CELF2: variants seen among roughly 807,000 people sequenced by gnomAD.
The protein encoded by CELF2 is CUG triplet repeat RNA-binding protein 2.
In CELF2, 8 loss-of-function variants were observed where a neutral mutation model predicts 62.6. The ratio of observed to expected loss-of-function variants is 0.13; its 90% CI spans 0.07 to 0.23. The LOEUF is 0.23. CELF2 is among the 10% of genes least tolerant of loss of function. The pLI, the probability that CELF2 is intolerant of heterozygous loss-of-function variation, is 1.00. For missense variants in CELF2, 333 were observed against 671.0 expected, an observed-to-expected ratio of 0.50 and a Z score of 5.56; for synonymous variants, 258 against 250.0, an observed-to-expected ratio of 1.03 and a Z score of -0.30.
chr10:11,127,264 G>A (rs2058863233), intron 1 of CELF2, among the ~76,000 whole-genome samples: 1 of 152,160 alleles, frequency 6.6e-6, no homozygotes, highest in African/African-American at 2.4e-5. Context: ...TGGTGTATAT[G>A]TGCCATATTT....
chr10:11,195,142 A>G (rs1201561122), intron 2 of CELF2, among the ~76,000 whole-genome samples: 2 of 152,196 alleles, frequency 1.3e-5, no homozygotes, highest in South Asian at 2.1e-4. Flanking sequence ...TTAAACTCCT[A>G]TCACACCTCT....
chr10:10,523,020 C>T, the CELF2 span, among the ~76,000 whole-genome samples: 1 of 152,188 alleles, frequency 6.6e-6, no homozygotes, highest in African/African-American at 2.4e-5. Flanking sequence ...GGAACTCTTC[C>T]AGTTTCTCCT....
chr10:10,847,106 T>C (rs1386057852), intron 1 of CELF2, among the ~76,000 whole-genome samples: 1 of 151,994 alleles, frequency 6.6e-6, no homozygotes, highest in Non-Finnish European at 1.5e-5. Context: ...ATATTTTTAT[T>C]TGCAGGAAAC....
intron 1 of CELF2, among the ~76,000 whole-genome samples, chr10:10,846,374 G>T (rs564702541): frequency 2.2e-4 from 34 of 152,086 alleles, no homozygotes; most frequent in Admixed American, 5.9e-4. Context: ...TCTATCAACA[G>T]AGCAGCAGCT....
At chr10:10,500,343 G>T in the CELF2 span, among the ~76,000 whole-genome samples, 1 of 152,046 alleles carries the variant, frequency 6.6e-6, no homozygotes. Context: ...ATATGGTTTG[G>T]CTGTGTTCTC....
At chr10:10,519,836 CT>C in the CELF2 span, among the ~76,000 whole-genome samples, 71 of 152,324 alleles carry the variant, frequency 4.7e-4, no homozygotes, top group Non-Finnish European at 8.2e-4. Flanking sequence ...GGCTGTCTGT[CT>C]CCCTTGTTAT....
the CELF2 span, among the ~76,000 whole-genome samples, chr10:10,556,180 C>T: frequency 6.6e-6 from 1 of 152,046 alleles, no homozygotes; most frequent in African/African-American, 2.4e-5. Context: ...TATCCCTCCT[C>T]CCTCCCCCCA....
intron 1 of CELF2, among the ~76,000 whole-genome samples, chr10:11,125,644 G>T (rs778163306): frequency 6.6e-6 from 1 of 152,048 alleles, no homozygotes; most frequent in Non-Finnish European, 1.5e-5. Context: ...GTGGTCCAGG[G>T]TTTATGCTGT....
the CELF2 span, among the ~76,000 whole-genome samples, chr10:10,650,519 T>C: frequency 1.4e-5 from 2 of 142,158 alleles, no homozygotes; most frequent in Admixed American, 1.4e-4. Flanking sequence ...TCTTGAATTA[T>C]AAGAGCAAAA....
chr10:10,575,792 G>A, the CELF2 span, among the ~76,000 whole-genome samples: 1 of 152,120 alleles, frequency 6.6e-6, no homozygotes, highest in South Asian at 2.1e-4. Flanking sequence ...TAAATTAGGG[G>A]AAAAATGGAA....
the CELF2 span, among the ~76,000 whole-genome samples, chr10:10,693,963 C>G: frequency 2.0e-5 from 3 of 151,756 alleles, no homozygotes; most frequent in Admixed American, 2.0e-4. Context: ...AAAAAACCAG[C>G]TCCTGGATTC....
chr10:10,704,794 T>C, the CELF2 span, among the ~76,000 whole-genome samples: 1 of 152,150 alleles, frequency 6.6e-6, no homozygotes, highest in Non-Finnish European at 1.5e-5. Flanking sequence ...TTTAATTATG[T>C]TCATAATATT....
chr10:10,479,343 A>G, the CELF2 span, among the ~76,000 whole-genome samples: 1 of 151,916 alleles, frequency 6.6e-6, no homozygotes, highest in East Asian at 1.9e-4. Context: ...TAATTTTTGT[A>G]TTTTTAGTAG....
chr10:10,720,721 AC>A, the CELF2 span, among the ~76,000 whole-genome samples: 7 of 152,196 alleles, frequency 4.6e-5, no homozygotes, highest in Non-Finnish European at 8.8e-5. Flanking sequence ...ATCCAAAGCA[AC>A]CCTCGTTAAT....
intron 1 of CELF2, among the ~76,000 whole-genome samples, chr10:11,087,677 A>G (rs182675473): frequency 1.9e-4 from 29 of 152,348 alleles, no homozygotes; most frequent in South Asian, 1.0e-3. Context: ...TCAGCCTATC[A>G]CAACAACACA....
intron 1 of CELF2, among the ~76,000 whole-genome samples, chr10:11,132,190 G>C (rs913717347): frequency 6.6e-6 from 1 of 152,220 alleles, no homozygotes; most frequent in Non-Finnish European, 1.5e-5. Flanking sequence ...GTCTACCAGT[G>C]TGTAGTCAAG....
At chr10:10,669,018 A>C in the CELF2 span, among the ~76,000 whole-genome samples, 3 of 152,192 alleles carry the variant, frequency 2.0e-5, no homozygotes, top group Non-Finnish European at 4.4e-5. Context: ...TATGAATATT[A>C]GTTGGTTTGT....
rs568229894 is a variant in CELF2 at position 10,815,108 on chromosome 10, T to A, written c.53+16291T>A. On this transcript the variant is annotated intron_variant, in intron 1 of 13. Coordinates refer to the CELF2 transcript ENST00000636488. ...AGAGGGAAGCAGTTTGAGGCAGAAT[T>A]TATCTTAAAGACTTTAATTGCATGT... Among the ~76,000 whole-genome samples, 27 of 152,302 alleles carry A rather than the reference T, an allele frequency of 1.8e-4. No individual in the cohort carries two copies. In the South Asian group the frequency reaches 5.4e-3, roughly 30 times the overall value.
At chr10:10,525,622 T>C in the CELF2 span, among the ~76,000 whole-genome samples, 1 of 152,240 alleles carries the variant, frequency 6.6e-6, no homozygotes, top group Admixed American at 6.5e-5. Flanking sequence ...CTTATTTTAA[T>C]GTCCTCCAAG....
Sources: allele counts gnomAD v4.1 joint callset (sites outside exome capture counted in the v4.1 genomes callset), GRCh38; gene constraint gnomAD v4.1.1; transcripts MANE v1.5; gene names NCBI Gene and HGNC (gene_info 2026-07-23, HGNC 2026-07-21).